Variants in NBAS observed in about 807,000 individuals in gnomAD.
NBAS encodes the protein NBAS subunit of NRZ tethering complex.
In NBAS, 219 loss-of-function variants were observed where a neutral mutation model predicts 302.5. The ratio of observed to expected loss-of-function variants is 0.72; its 90% confidence interval spans 0.65 to 0.81. The LOEUF (loss-of-function observed/expected upper bound fraction) is 0.81, where lower values mean the gene tolerates loss of function less well. Among genes scored for constraint, NBAS ranks in the 30% least tolerant of loss-of-function variants. NBAS has a pLI of 0.00. For missense variants in NBAS, 2,932 were observed against 2,841.6 expected (o/e 1.03, Z -0.72); for synonymous variants, 1,118 against 1,021.6 (o/e 1.09, Z -1.80).
In NBAS at chr2:15,534,683, C is replaced by T. The variant is rs149180799; in HGVS notation, c.648-42G>A. On this transcript the variant is annotated intron_variant, in intron 8 of 51. Coordinates refer to ENST00000281513, the MANE Select transcript of NBAS (RefSeq NM_015909.4). Reference sequence around the variant, plus strand: ...ATGAAAGAAGTAAATACCATTAAACCACAATGAATATCACTAAATACCCAA... The same window carrying T: ...ATGAAAGAAGTAAATACCATTAAACTACAATGAATATCACTAAATACCCAA... 288 of 1,341,572 alleles carry T rather than the reference C, an allele frequency of 2.1e-4. 3 individuals are homozygous for T. The East Asian group carries it at 6.5e-3, about 30-fold the overall frequency. The allele number at this position is 1,341,572 out of a possible 1,614,324, so 83.1% of individuals were successfully genotyped here.
At chr2:15,093,387 G>A in the NBAS span, among the ~76,000 whole-genome samples, 5 of 152,252 alleles carry the variant, frequency 3.3e-5, no homozygotes, top group African/African-American at 1.2e-4. Context: ...CTATACTCCA[G>A]CCTGAGCAAC....
chr2:15,018,321 A>G, the NBAS span, among the ~76,000 whole-genome samples: 25 of 152,202 alleles, frequency 1.6e-4, no homozygotes, highest in African/African-American at 6.0e-4. Flanking sequence ...AAGAAATGAT[A>G]AATGTTTGAG....
intron 50 of NBAS, among the ~76,000 whole-genome samples, chr2:15,184,750 A>G (rs533957186): frequency 1.3e-5 from 2 of 152,212 alleles, no homozygotes; most frequent in African/African-American, 2.4e-5. Context: ...CCTGATACAC[A>G]TAACTGTTAC....
chr2:15,559,855 G>T (rs1034827097), intron 1 of NBAS, among the ~76,000 whole-genome samples: 3 of 152,186 alleles, frequency 2.0e-5, no homozygotes, highest in Non-Finnish European at 4.4e-5. Flanking sequence ...TGAGTGTTAA[G>T]GAGTGGAAAC....
chr2:15,270,571 A>C (rs1669273778), intron 44 of NBAS, among the ~76,000 whole-genome samples: 1 of 152,184 alleles, frequency 6.6e-6, no homozygotes, highest in African/African-American at 2.4e-5. Context: ...CTGAGATCAA[A>C]AGTTTTGAGA....
the NBAS span, among the ~76,000 whole-genome samples, chr2:14,791,369 G>A: frequency 2.0e-5 from 3 of 152,152 alleles, no homozygotes; most frequent in Non-Finnish European, 4.4e-5. Flanking sequence ...TAAGTGGAAC[G>A]AAAACACAAC....
the NBAS span, among the ~76,000 whole-genome samples, chr2:14,964,302 G>C: frequency 6.6e-6 from 1 of 152,108 alleles, no homozygotes; most frequent in Non-Finnish European, 1.5e-5. Context: ...AAAAGTTAGA[G>C]ACATAAACAA....
At chr2:15,485,636 C>T (rs974135081) in intron 12 of NBAS, among the ~76,000 whole-genome samples, 1 of 152,214 alleles carries the variant, frequency 6.6e-6, no homozygotes, top group Admixed American at 6.5e-5. Flanking sequence ...AGCTACAAGA[C>T]GATCTTATTC....
chr2:15,140,167 T>C, the NBAS span, among the ~76,000 whole-genome samples: 3 of 152,330 alleles, frequency 2.0e-5, 1 homozygote, highest in South Asian at 6.2e-4. Context: ...CCAATAGTCC[T>C]CACTGAGGTT....
intron 30 of NBAS, among the ~76,000 whole-genome samples, chr2:15,376,498 C>T (rs1318471140): frequency 6.6e-6 from 1 of 152,066 alleles, no homozygotes; most frequent in African/African-American, 2.4e-5. Flanking sequence ...AATAGAATCG[C>T]TTAGGAGAAA....
intron 12 of NBAS, among the ~76,000 whole-genome samples, chr2:15,482,773 A>G (rs1035182326): frequency 2.0e-5 from 3 of 151,938 alleles, no homozygotes; most frequent in African/African-American, 7.3e-5. Flanking sequence ...ATTTATCTTT[A>G]CATCTTCCAT....
chr2:15,069,551 G>A, the NBAS span, among the ~76,000 whole-genome samples: 3 of 101,290 alleles, frequency 3.0e-5, 1 homozygote, highest in South Asian at 9.9e-4. Context: ...GGTTTCAGTG[G>A]GGCTCAAAAA....
At chr2:14,797,047 G>C in the NBAS span, among the ~76,000 whole-genome samples, 1 of 147,730 alleles carries the variant, frequency 6.8e-6, no homozygotes, top group Non-Finnish European at 1.5e-5. Context: ...CGCGGACATC[G>C]TGCCACTCAC....
In NBAS at chr2:15,453,312, C is replaced by A. The variant is rs74762836; in HGVS notation, c.2339+7889G>T. ...GCACAAAGAGGCCCTAAGGAAGAACCCTTCTGCCAACAGGATTGTCATACA... is the reference window on the plus strand; with the variant it reads ...GCACAAAGAGGCCCTAAGGAAGAACACTTCTGCCAACAGGATTGTCATACA... On this transcript the variant is annotated intron_variant, in intron 21 of 51. Transcript: ENST00000281513. Among the ~76,000 whole-genome samples the A allele has an allele frequency of 4.7e-3, 720 of 152,252 alleles. 8 individuals carry two copies. The highest frequency in any genetic ancestry group is 0.016 in the African/African-American group (669 of 41,532).
the NBAS span, among the ~76,000 whole-genome samples, chr2:15,001,190 A>G: frequency 6.6e-6 from 1 of 152,304 alleles, no homozygotes; most frequent in Admixed American, 6.5e-5. Context: ...TGATCTCTCT[A>G]CTATTGAACT....
At chr2:15,254,521 C>T (rs2147996255) in intron 44 of NBAS, among the ~76,000 whole-genome samples, 1 of 152,204 alleles carries the variant, frequency 6.6e-6, no homozygotes, top group Non-Finnish European at 1.5e-5. Flanking sequence ...GTTCCCAGTG[C>T]TTTGCTTTCT....
At chr2:14,921,634 G>T in the NBAS span, among the ~76,000 whole-genome samples, 1 of 152,204 alleles carries the variant, frequency 6.6e-6, no homozygotes, top group Non-Finnish European at 1.5e-5. Flanking sequence ...TGCCTGTCAA[G>T]TTCAGAGTTA....
chr2:14,848,088 A>T, the NBAS span, among the ~76,000 whole-genome samples: 1 of 152,176 alleles, frequency 6.6e-6, no homozygotes, highest in Admixed American at 6.5e-5. Context: ...AGATGGCCGA[A>T]TAGGAACAGC....
intron 21 of NBAS, among the ~76,000 whole-genome samples, chr2:15,434,834 C>T (rs888118534): frequency 1.3e-5 from 2 of 152,058 alleles, no homozygotes; most frequent in Non-Finnish European, 2.9e-5. Flanking sequence ...GAGAATAATC[C>T]TTATACAGGG....
Sources: allele counts gnomAD v4.1 joint callset (sites outside exome capture counted in the v4.1 genomes callset), GRCh38; gene constraint gnomAD v4.1.1; transcripts MANE v1.5; gene names NCBI Gene and HGNC (gene_info 2026-07-23, HGNC 2026-07-21).